Variants in PEX14 observed in about 807,000 individuals in gnomAD.
PEX14 encodes the protein peroxisomal membrane protein PEX14.
Under a neutral mutation model 49.5 loss-of-function variants are expected in PEX14, and 15 were observed. The ratio of observed to expected loss-of-function variants is 0.30; its 90% CI spans 0.20 to 0.47. The LOEUF (loss-of-function observed/expected upper bound fraction) is 0.47. Ranked by LOEUF, PEX14 falls within the 20% of genes least tolerant of loss-of-function variation. PEX14 has a pLI of 1.00. For synonymous variants in PEX14, 210 were observed against 212.7 expected, an observed-to-expected ratio of 0.99 and a Z score of 0.11; for missense variants, 398 against 494.8, an observed-to-expected ratio of 0.80 and a Z score of 1.86.
chr1:10,597,341 T>C lies in PEX14; in HGVS notation c.170-1897T>C, dbSNP rs759499856. On this transcript the variant is annotated intron_variant, in intron 3 of 8. Transcript: ENST00000356607. This position sits in a 1 kb window ranked among gnomAD's most constrained non-coding sequence, Gnocchi z 5.7. ...GCTGATTATGAACTGGTTAAAACAATGTCTTTCCCACCAGGGCTCCGAAAG... is the reference window on the plus strand; with the variant it reads ...GCTGATTATGAACTGGTTAAAACAACGTCTTTCCCACCAGGGCTCCGAAAG... Among the ~76,000 whole-genome samples, 15 of 152,338 alleles carry C rather than the reference T, an allele frequency of 9.8e-5. No homozygotes were observed. The highest frequency in any genetic ancestry group is 3.4e-3 in the Middle Eastern group (1 of 294).
At chr1:10,481,093 A>G (rs1167172922) in intron 1 of PEX14, among the ~76,000 whole-genome samples, 1 of 151,040 alleles carries the variant, frequency 6.6e-6, no homozygotes, top group Non-Finnish European at 1.5e-5. Flanking sequence ...AGAAACAGAG[A>G]TTGCATTGAT....
At chr1:10,483,385 C>T (rs1446404494) in intron 1 of PEX14, among the ~76,000 whole-genome samples, 1 of 151,820 alleles carries the variant, frequency 6.6e-6, no homozygotes, top group Non-Finnish European at 1.5e-5. Flanking sequence ...GGTATGATCT[C>T]GGCTTACTGC....
At chr1:10,589,632 C>G (rs1640601266) in intron 3 of PEX14, among the ~76,000 whole-genome samples, 1 of 152,096 alleles carries the variant, frequency 6.6e-6, no homozygotes, top group Non-Finnish European at 1.5e-5. Flanking sequence ...AGGCTGGTCT[C>G]AAACTCCTGG....
At chr1:10,565,879 C>CCTGTA (rs1639789576) in intron 3 of PEX14, among the ~76,000 whole-genome samples, 1 of 152,198 alleles carries the variant, frequency 6.6e-6, no homozygotes. Context: ...GTAGCACATG[C>CCTGTA]CTGTAGTCCC....
intron 4 of PEX14, among the ~76,000 whole-genome samples, chr1:10,610,293 C>G (rs1641241882): frequency 6.8e-6 from 1 of 147,854 alleles, no homozygotes; most frequent in African/African-American, 2.5e-5. Flanking sequence ...CCATCTCACT[C>G]TGTTGCCCAG....
chr1:10,549,366 T>C (rs977581912), intron 3 of PEX14, among the ~76,000 whole-genome samples: 2 of 152,202 alleles, frequency 1.3e-5, no homozygotes, highest in Admixed American at 1.3e-4. Context: ...ATTATTCTAA[T>C]TGCAAAATTT....
chr1:10,491,669 T>G (rs950130461), intron 1 of PEX14, among the ~76,000 whole-genome samples: 2 of 142,092 alleles, frequency 1.4e-5, no homozygotes, highest in Non-Finnish European at 3.0e-5. Flanking sequence ...CACTTGGCCA[T>G]GCTCCTTTTT....
At chr1:10,567,015 C>T (rs1033813547) in intron 3 of PEX14, among the ~76,000 whole-genome samples, 2 of 152,180 alleles carry the variant, frequency 1.3e-5, no homozygotes, top group Non-Finnish European at 2.9e-5. Context: ...TTTGTATGGT[C>T]TCTGAACACT....
intron 3 of PEX14, among the ~76,000 whole-genome samples, chr1:10,563,340 C>T (rs1211793988): frequency 6.6e-6 from 1 of 151,646 alleles, no homozygotes; most frequent in Non-Finnish European, 1.5e-5. Context: ...TTGCTCACGC[C>T]TGTAATCCCA....
chr1:10,494,912 G>C lies in PEX14; in HGVS notation c.37-362G>C, dbSNP rs1641531787. On this transcript the variant is annotated intron_variant, in intron 1 of 8. Transcript: ENST00000356607. This position sits in a 1 kb window ranked among gnomAD's most constrained non-coding sequence, Gnocchi z 4.3. ...TGGGGAGGTGGCAGAAAGAGGAGGT[G>C]TTGTGCTCTCTCTTCAGGCCTTTTC... is the stretch of plus-strand genomic sequence containing the variant. Among the ~76,000 whole-genome samples, 1 of 152,192 alleles carries C rather than the reference G, an allele frequency of 6.6e-6. No homozygotes were observed. The highest frequency in any genetic ancestry group is 2.4e-5 in the African/African-American group (1 of 41,458).
chr1:10,551,446 G>A (rs747604578), intron 3 of PEX14, among the ~76,000 whole-genome samples: 4 of 152,084 alleles, frequency 2.6e-5, no homozygotes, highest in Non-Finnish European at 4.4e-5. Flanking sequence ...ATTACACAGC[G>A]CGCTGGAGGC....
chr1:10,492,193 T>G (rs956162785), intron 1 of PEX14, among the ~76,000 whole-genome samples: 1 of 152,252 alleles, frequency 6.6e-6, no homozygotes, highest in Non-Finnish European at 1.5e-5. Flanking sequence ...GTGTACTGTT[T>G]GAAGTTTTTC....
intron 2 of PEX14, chr1:10,517,169 C>T (rs1321412821): frequency 3.9e-5 from 6 of 152,134 alleles, no homozygotes; most frequent in Admixed American, 3.9e-4. Context: ...ATCGAATTCT[C>T]TTTGGATTTT....
At chr1:10,600,043 T>A (rs1640938693) in intron 4 of PEX14, among the ~76,000 whole-genome samples, 1 of 152,208 alleles carries the variant, frequency 6.6e-6, no homozygotes, top group African/African-American at 2.4e-5. Flanking sequence ...GAAGCCCTCC[T>A]TGAAATCACT....
chr1:10,520,241 C>G (rs1303734879), intron 2 of PEX14, among the ~76,000 whole-genome samples: 3 of 150,686 alleles, frequency 2.0e-5, no homozygotes, highest in Admixed American at 6.6e-5. Context: ...TCACTGCAGC[C>G]TCAACCTTCT....
At position 10,514,239 on chromosome 1, in the gene PEX14, G is replaced by A. The variant is rs1641935243; in HGVS notation, c.84+18918G>A. On this transcript the variant is annotated intron_variant, in intron 2 of 8. Transcript: ENST00000356607. This position sits in a 1 kb window ranked among gnomAD's most constrained non-coding sequence, Gnocchi z 4.4. Reference sequence around the variant, plus strand: ...GGCAGAGTCACCTTCTAAAACAGCAGTGAGAAACTTCTGTCATCCTTTCTC... The same window carrying A: ...GGCAGAGTCACCTTCTAAAACAGCAATGAGAAACTTCTGTCATCCTTTCTC... Among the ~76,000 whole-genome samples, 1 of 150,894 alleles carries A rather than the reference G, an allele frequency of 6.6e-6. No homozygotes were observed. Among genetic ancestry groups the A allele is most frequent in the African/African-American group, 2.4e-5 (1 of 41,192 alleles).
rs1641285826 is a variant in PEX14 at position 10,481,658 on chromosome 1, A to G, written c.36+6656A>G. ...CGCTGTGTCGCCCAGGCTGGTCTTG[A>G]ACTCCTGACCTCAAGTGAGCCTCCC... On this transcript the variant is annotated intron_variant, in intron 1 of 8. Transcript: ENST00000356607. Among the ~76,000 whole-genome samples the G allele has an allele frequency of 3.3e-5, 5 of 151,772 alleles. No homozygotes were observed. The South Asian group carries it at 1.0e-3, about 32-fold the overall frequency.
intron 3 of PEX14, among the ~76,000 whole-genome samples, chr1:10,586,552 A>G (rs1031564987): frequency 1.3e-5 from 2 of 151,386 alleles, no homozygotes; most frequent in Non-Finnish European, 2.9e-5. Flanking sequence ...CAATACAACA[A>G]TTTGAATGAA....
At chr1:10,579,314 G>GA (rs1206130617) in intron 3 of PEX14, among the ~76,000 whole-genome samples, 3 of 151,884 alleles carry the variant, frequency 2.0e-5, no homozygotes, top group South Asian at 2.1e-4. Flanking sequence ...AAACATGAAG[G>GA]AAAAAAATAA....
Sources: gnomAD v4.1 joint callset for allele counts (sites outside exome capture counted in the v4.1 genomes callset) on GRCh38, gnomAD v4.1.1 for gene constraint, Gnocchi (gnomAD v3.1) non-coding constraint, MANE v1.5 for transcripts, NCBI Gene and HGNC (gene_info 2026-07-23, HGNC 2026-07-21) for gene names.